The following KCNH1 variants were observed in gnomAD, a reference collection of about 807,000 sequenced individuals.
KCNH1 encodes voltage-gated delayed rectifier potassium channel KCNH1.
In KCNH1, 27 loss-of-function variants were observed where a neutral mutation model predicts 69.2. The ratio of observed to expected loss-of-function variants is 0.39; its 90% CI spans 0.29 to 0.54. The LOEUF (loss-of-function observed/expected upper bound fraction) is 0.54. Among genes scored for constraint, KCNH1 ranks in the 20% least tolerant of loss-of-function variants. The pLI is 0.68. For missense variants in KCNH1, 798 were observed against 1,261.6 expected, an observed-to-expected ratio of 0.63 and a Z score of 5.57; for synonymous variants, 456 against 487.7, an observed-to-expected ratio of 0.93 and a Z score of 0.86.
chr1:210,939,548 G>A (rs986308606), intron 6 of KCNH1, among the ~76,000 whole-genome samples: 1 of 152,182 alleles, frequency 6.6e-6, no homozygotes, highest in Non-Finnish European at 1.5e-5. Context: ...TAGGCTGACA[G>A]GCTTTTGAGG....
intron 7 of KCNH1, among the ~76,000 whole-genome samples, chr1:210,871,768 T>C (rs918005148): frequency 4.6e-5 from 7 of 150,788 alleles, no homozygotes; most frequent in Admixed American, 6.6e-5. Context: ...TGGATGAAAC[T>C]GGAAATCATC....
At chr1:210,805,513 G>A (rs568737264) in intron 7 of KCNH1, among the ~76,000 whole-genome samples, 1 of 151,514 alleles carries the variant, frequency 6.6e-6, no homozygotes, top group African/African-American at 2.4e-5. Context: ...TCTCTCTTCT[G>A]GCAACACAGA....
intron 10 of KCNH1, among the ~76,000 whole-genome samples, chr1:210,748,903 C>A (rs1393732658): frequency 6.6e-6 from 1 of 152,178 alleles, no homozygotes; most frequent in East Asian, 1.9e-4. Flanking sequence ...CCCTTCACAC[C>A]CCACCTGTCC....
intron 10 of KCNH1, among the ~76,000 whole-genome samples, chr1:210,725,074 A>G (rs1682555807): frequency 6.6e-6 from 1 of 152,212 alleles, no homozygotes; most frequent in Non-Finnish European, 1.5e-5. Flanking sequence ...CAGAACCATC[A>G]GCTTGTCACT....
At chr1:211,050,587 G>A (rs1434448472) in intron 5 of KCNH1, among the ~76,000 whole-genome samples, 1 of 152,184 alleles carries the variant, frequency 6.6e-6, no homozygotes, top group Admixed American at 6.5e-5. Flanking sequence ...ATGCAACTGG[G>A]TAACAATCTC....
At chr1:210,974,508 A>G (rs539756825) in intron 6 of KCNH1, among the ~76,000 whole-genome samples, 1 of 145,428 alleles carries the variant, frequency 6.9e-6, no homozygotes, top group East Asian at 2.0e-4. Context: ...GTCTGGCTTT[A>G]TTATCAGAGT....
intron 9 of KCNH1, among the ~76,000 whole-genome samples, chr1:210,780,773 C>T (rs1222799232): frequency 1.3e-5 from 2 of 152,178 alleles, no homozygotes; most frequent in African/African-American, 4.8e-5. Context: ...CATGGCCGGG[C>T]GCGGTGGCTC....
At chr1:210,920,189 C>G (rs561103584) in intron 6 of KCNH1, 120 bp from the exon 7 acceptor site, 1 of 824,082 alleles carries the variant, frequency 1.2e-6, no homozygotes, top group Non-Finnish European at 1.8e-6. Context: ...CAATTTTATG[C>G]AACCCTTAAA....
intron 3 of KCNH1, among the ~76,000 whole-genome samples, chr1:211,101,527 A>G (rs1691257138): frequency 6.6e-6 from 1 of 152,182 alleles, no homozygotes; most frequent in African/African-American, 2.4e-5. Context: ...CTGGCCCACT[A>G]GTCATCTTTG....
chr1:210,704,488 C>T (rs1373758281), intron 10 of KCNH1, among the ~76,000 whole-genome samples: 1 of 152,112 alleles, frequency 6.6e-6, no homozygotes, highest in African/African-American at 2.4e-5. Flanking sequence ...TAAACTATCC[C>T]ATGAAGACAG....
chr1:210,864,912 C>G (rs1214404798), intron 7 of KCNH1, among the ~76,000 whole-genome samples: 1 of 152,198 alleles, frequency 6.6e-6, no homozygotes, highest in African/African-American at 2.4e-5. Flanking sequence ...AAGCTGTAAG[C>G]TGGAACACCT....
Position 210,962,923 on chromosome 1 carries a change from A to G in KCNH1, c.1033-42854T>C, listed in dbSNP as rs148958424. ...TCTCTGGTTACATATGAGGTAAAGTATCGTTTCGTATGTTGGTAGTCATTT... is the reference window on the plus strand; with the variant it reads ...TCTCTGGTTACATATGAGGTAAAGTGTCGTTTCGTATGTTGGTAGTCATTT... On this transcript the variant is annotated intron_variant, in intron 6 of 10. Coordinates refer to ENST00000271751, the MANE Select transcript of KCNH1 (RefSeq NM_172362.3). Among the ~76,000 whole-genome samples the G allele has an allele frequency of 4.6e-3, 691 of 150,690 alleles. 3 individuals carry two copies. The highest frequency in any genetic ancestry group is 0.01 in the Middle Eastern group (3 of 294).
chr1:211,127,747 G>A (rs1478399546), intron 1 of KCNH1, among the ~76,000 whole-genome samples: 6 of 152,112 alleles, frequency 3.9e-5, no homozygotes, highest in Admixed American at 1.3e-4. Flanking sequence ...TGATAGAAAC[G>A]CTCACACACG....
At chr1:210,942,234 C>T (rs1451090030) in intron 6 of KCNH1, among the ~76,000 whole-genome samples, 2 of 152,152 alleles carry the variant, frequency 1.3e-5, no homozygotes, top group African/African-American at 4.8e-5. Flanking sequence ...AAACTGCTTT[C>T]TTGTTAGGAA....
At chr1:211,064,857 T>A (rs551454335) in intron 5 of KCNH1, among the ~76,000 whole-genome samples, 11 of 152,152 alleles carry the variant, frequency 7.2e-5, no homozygotes, top group Admixed American at 7.2e-4. Context: ...AAAGAAGACA[T>A]ACAAATGGAC....
intron 7 of KCNH1, among the ~76,000 whole-genome samples, chr1:210,885,416 G>A (rs1277080794): frequency 5.9e-5 from 9 of 152,190 alleles, no homozygotes; most frequent in Non-Finnish European, 1.2e-4. Context: ...ACAACCTGCA[G>A]ACCAAGAGAT....
chr1:210,857,665 A>T (rs2102476115), intron 7 of KCNH1, among the ~76,000 whole-genome samples: 1 of 152,356 alleles, frequency 6.6e-6, no homozygotes, highest in East Asian at 1.9e-4. Context: ...TGTTTTAGAC[A>T]ACAGCTTGTA....
intron 10 of KCNH1, among the ~76,000 whole-genome samples, chr1:210,761,852 A>T (rs1683530928): frequency 6.6e-6 from 1 of 152,174 alleles, no homozygotes; most frequent in Admixed American, 6.5e-5. Context: ...GCAGAAAAAT[A>T]ACAAAGAAAT....
chr1:210,740,704 A>ATTTTTTTTTTTTTTTT (rs199727493), intron 10 of KCNH1, among the ~76,000 whole-genome samples: 12 of 117,262 alleles, frequency 1.0e-4, no homozygotes, highest in African/African-American at 4.1e-4. Context: ...TTATGATTAA[A>ATTTTTTTTTTTTTTTT]TTTTTTTTTT....
Sources: gnomAD v4.1 joint callset for allele counts (sites outside exome capture counted in the v4.1 genomes callset) on GRCh38, gnomAD v4.1.1 for gene constraint, MANE v1.5 for transcripts, NCBI Gene and HGNC (gene_info 2026-07-23, HGNC 2026-07-21) for gene names.